Variants in BLOC1S3 observed in about 807,000 individuals in gnomAD.
BLOC1S3 encodes biogenesis of lysosomal organelles complex 1 subunit 3, also known as biogenesis of lysosome-related organelles complex 1 subunit 3.
In BLOC1S3, 7 loss-of-function variants were observed where a neutral mutation model predicts 9.1. That is an observed-to-expected ratio of 0.77 (90% CI 0.44 to 1.45). The LOEUF is 1.45. BLOC1S3 is among the 40% of genes most tolerant of loss of function. The pLI is 0.01. For synonymous variants in BLOC1S3, 145 were observed against 158.4 expected (o/e 0.92, Z 0.64); for missense variants, 307 against 315.2 (o/e 0.97, Z 0.20).
downstream of BLOC1S3, among the ~76,000 whole-genome samples, chr19:45,184,451 C>A (rs534976837): frequency 8.6e-5 from 13 of 151,988 alleles, no homozygotes; most frequent in Non-Finnish European, 1.6e-4. Flanking sequence ...ACAAAAAATA[C>A]AAAAACTAGC....
chr19:45,182,434 G>T (rs781558733), downstream of BLOC1S3, among the ~76,000 whole-genome samples: 1 of 151,126 alleles, frequency 6.6e-6, no homozygotes, highest in Non-Finnish European at 1.5e-5. Flanking sequence ...TTGGGAGATC[G>T]AGGTAGGCAG....
rs538612825 is a variant in BLOC1S3 at position 45,179,494 on chromosome 19, G to A, written c.198G>A (p.Glu66=). Residue 66 remains glutamate (E), a synonymous_variant, in exon 2 of 2, where the codon GAG becomes GAA. Transcript: ENST00000433642. The surrounding 1 kb of genome is among the most constrained non-coding windows in gnomAD (Gnocchi z 4.6). ...GGGAAGCCGCGGAGACCGACTCGGA[G>A]CCGGAGCCGGAGCCGGAACCGACGG... The part of the protein sequence containing the change: ...VAGEAAETDS[E]PEPEPEPTAA... 3.0e-5 allele frequency: 46 copies of A among 1,522,662 alleles called. No individual in the cohort carries two copies. In the African/African-American group the frequency reaches 4.5e-4, roughly 15 times the overall value. 94.3% of individuals were successfully genotyped at this position (1,522,662 alleles called of 1,614,324 possible).
chr19:45,208,334 CCATCGCT>C (rs1201385545), intron 3 of BLOC1S3, among the ~76,000 whole-genome samples: 1 of 152,060 alleles, frequency 6.6e-6, no homozygotes, highest in East Asian at 1.9e-4. Context: ...CAGTCAGGTG[CCATCGCT>C]CATACCTGTA....
chr19:45,207,811 CACACATG>C (rs1969739395), intron 3 of BLOC1S3, among the ~76,000 whole-genome samples: 2 of 152,140 alleles, frequency 1.3e-5, no homozygotes, highest in Non-Finnish European at 2.9e-5. Context: ...CCTGCATACA[CACACATG>C]TGCACAGGTA....
At chr19:45,193,180 C>T (rs1401054340) in intron 2 of BLOC1S3, among the ~76,000 whole-genome samples, 3 of 148,710 alleles carry the variant, frequency 2.0e-5, no homozygotes, top group Admixed American at 1.3e-4. Flanking sequence ...TTTGCTACCC[C>T]GTTCAGTGGC....
downstream of BLOC1S3, among the ~76,000 whole-genome samples, chr19:45,184,929 A>AGG (rs1306228659): frequency 6.9e-6 from 1 of 145,566 alleles, no homozygotes; most frequent in Non-Finnish European, 1.5e-5. Flanking sequence ...AAAAAAAAAA[A>AGG]AAGGAAGGAA....
Position 45,179,160 on chromosome 19 carries a change from C to T in BLOC1S3, c.-9-128C>T. ...CAGTTTACAGAAGAGGAAACTGAGG[C>T]CCAGACGGGGAGCAGCTGACACCAA... On this transcript the variant is annotated intron_variant, in intron 1 of 1. Transcript: ENST00000433642. The surrounding 1 kb of genome is among the most constrained non-coding windows in gnomAD (Gnocchi z 4.6). 3 of 1,086,648 alleles carry T rather than the reference C, an allele frequency of 2.8e-6. No homozygotes were observed. Among genetic ancestry groups the T allele is most frequent in the Non-Finnish European group, 3.7e-6 (3 of 811,368 alleles). The allele number at this position is 1,086,648 out of a possible 1,614,324, so 67.3% of individuals were successfully genotyped here.
intron 3 of BLOC1S3, among the ~76,000 whole-genome samples, chr19:45,211,625 G>A (rs1374929157): frequency 6.6e-6 from 1 of 151,898 alleles, no homozygotes; most frequent in Non-Finnish European, 1.5e-5. Context: ...CCCCCAGAAA[G>A]GCACAGGAAC....
At chr19:45,199,629 T>C (rs2122923510) in intron 2 of BLOC1S3, among the ~76,000 whole-genome samples, 1 of 151,794 alleles carries the variant, frequency 6.6e-6, no homozygotes, top group Admixed American at 6.6e-5. Context: ...TCTTTTTTAT[T>C]TTTTCTTTTG....
chr19:45,215,047 G>A (rs1440815458), intron 3 of BLOC1S3, among the ~76,000 whole-genome samples: 1 of 151,970 alleles, frequency 6.6e-6, no homozygotes, highest in Non-Finnish European at 1.5e-5. Flanking sequence ...TTGGGAGGCT[G>A]AGGCACAATA....
intron 2 of BLOC1S3, among the ~76,000 whole-genome samples, chr19:45,196,525 G>GGAATTTAGGGAGATGGGAGT (rs1969649722): frequency 6.6e-6 from 1 of 152,120 alleles, no homozygotes; most frequent in Non-Finnish European, 1.5e-5. Flanking sequence ...TATTCCTGAG[G>GGAATTTAGGGAGATGGGAGT]GAATTTAGGG....
intron 2 of BLOC1S3, among the ~76,000 whole-genome samples, chr19:45,201,166 G>A (rs1352344067): frequency 2.0e-5 from 3 of 149,814 alleles, no homozygotes; most frequent in Non-Finnish European, 2.9e-5. Context: ...TTGCAGCACT[G>A]CATTCCAGCC....
intron 3 of BLOC1S3, among the ~76,000 whole-genome samples, chr19:45,209,333 G>C (rs963883921): frequency 4.6e-5 from 7 of 152,130 alleles, no homozygotes; most frequent in African/African-American, 1.7e-4. Context: ...ACACGCATAA[G>C]CCACTGCGCC....
At chr19:45,205,162 G>T (rs921372841) in intron 3 of BLOC1S3, among the ~76,000 whole-genome samples, 1 of 140,548 alleles carries the variant, frequency 7.1e-6, no homozygotes, top group Non-Finnish European at 1.5e-5. Flanking sequence ...CTGCCCACAA[G>T]AAATTGTGTG....
At chr19:45,189,868 C>T (rs1042287255) in intron 2 of BLOC1S3, among the ~76,000 whole-genome samples, 3 of 152,134 alleles carry the variant, frequency 2.0e-5, no homozygotes, top group African/African-American at 7.2e-5. Flanking sequence ...CTGTCTCTCT[C>T]TACCTCCTCT....
At chr19:45,191,937 A>G (rs1340266148) in intron 2 of BLOC1S3, among the ~76,000 whole-genome samples, 3 of 152,238 alleles carry the variant, frequency 2.0e-5, no homozygotes, top group East Asian at 3.9e-4. Context: ...GGTACCACCT[A>G]TGTCCACTGA....
intron 2 of BLOC1S3, among the ~76,000 whole-genome samples, chr19:45,196,951 A>G (rs968180590): frequency 2.0e-4 from 30 of 151,084 alleles, no homozygotes; most frequent in Non-Finnish European, 4.3e-4. Flanking sequence ...TCAGTGACTC[A>G]GAAGAGTTTG....
chr19:45,209,445 A>G (rs905428616), intron 3 of BLOC1S3, among the ~76,000 whole-genome samples: 9 of 150,432 alleles, frequency 6.0e-5, no homozygotes, highest in African/African-American at 2.0e-4. Flanking sequence ...TTTCTGAGAC[A>G]GTGTCTTGCT....
intron 3 of BLOC1S3, chr19:45,216,005 C>T (rs973978459): frequency 3.1e-6 from 5 of 1,592,094 alleles, no homozygotes; most frequent in Non-Finnish European, 3.4e-6. Context: ...AGCACAGGGA[C>T]GGATGCCAAG....
Sources: gnomAD v4.1 joint callset for allele counts (sites outside exome capture counted in the v4.1 genomes callset) on GRCh38, gnomAD v4.1.1 for gene constraint, Gnocchi (gnomAD v3.1) non-coding constraint, MANE v1.5 for transcripts, NCBI Gene and HGNC (gene_info 2026-07-23, HGNC 2026-07-21) for gene names.